The following ANXA8 variants were observed in gnomAD, a reference collection of about 807,000 sequenced individuals.
ANXA8 encodes annexin A8.
In ANXA8, 9 loss-of-function variants were observed where a neutral mutation model predicts 26.8. The ratio of observed to expected loss-of-function variants is 0.34; its 90% CI spans 0.20 to 0.59. The LOEUF (loss-of-function observed/expected upper bound fraction) is 0.59, where lower values mean the gene tolerates loss of function less well. ANXA8 is among the 20% of genes least tolerant of loss of function. ANXA8 has a pLI of 0.84. For synonymous variants in ANXA8, 39 were observed against 94.8 expected (o/e 0.41, Z 3.42); for missense variants, 83 against 238.5 (o/e 0.35, Z 4.29).
At chr10:47,694,501 A>T in the ANXA8 span, among the ~76,000 whole-genome samples, 1 of 148,524 alleles carries the variant, frequency 6.7e-6, no homozygotes, top group Non-Finnish European at 1.5e-5. Flanking sequence ...GCTCACTGCA[A>T]CCTCTGCCTC....
the ANXA8 span, among the ~76,000 whole-genome samples, chr10:47,665,183 C>T: frequency 6.8e-6 from 1 of 147,820 alleles, no homozygotes; most frequent in South Asian, 2.1e-4. Context: ...AAAAAAAACC[C>T]AGGTAAAATG....
At chr10:47,659,477 C>CGAGACCA in the ANXA8 span, among the ~76,000 whole-genome samples, 1 of 151,332 alleles carries the variant, frequency 6.6e-6, no homozygotes, top group Non-Finnish European at 1.5e-5. Context: ...GTCAGGAGTT[C>CGAGACCA]GAGACCAGCC....
At chr10:47,958,434 G>A in the ANXA8 span, among the ~76,000 whole-genome samples, 12 of 146,468 alleles carry the variant, frequency 8.2e-5, no homozygotes, top group Non-Finnish European at 1.3e-4. Context: ...AGCCGAGATC[G>A]AGCCACTGCA....
the ANXA8 span, among the ~76,000 whole-genome samples, chr10:47,939,343 G>T: frequency 2.2e-4 from 30 of 135,466 alleles, 2 homozygotes; most frequent in Middle Eastern, 0.02. Context: ...GCATGGTCTT[G>T]CCATGCGATT....
the ANXA8 span, chr10:47,552,012 C>A: frequency 1.4e-5 from 4 of 295,150 alleles, no homozygotes; most frequent in Non-Finnish European, 2.4e-5. Context: ...CCAGGCAATA[C>A]CCAGGGAAAA....
the ANXA8 span, among the ~76,000 whole-genome samples, chr10:47,775,927 G>C: frequency 6.6e-6 from 1 of 151,276 alleles, no homozygotes; most frequent in Admixed American, 6.6e-5. Context: ...TAAATTGGAA[G>C]TTGAGAAACA....
At chr10:47,485,872 G>A (rs1840032662), upstream of ANXA8, among the ~76,000 whole-genome samples, 1 of 151,990 alleles carries the variant, frequency 6.6e-6, no homozygotes, top group African/African-American at 2.4e-5. Flanking sequence ...ACTTTGGGAG[G>A]CCAAGACAGG....
the ANXA8 span, among the ~76,000 whole-genome samples, chr10:47,497,444 C>T: frequency 2.8e-5 from 4 of 144,914 alleles, no homozygotes; most frequent in African/African-American, 1.0e-4. Context: ...GGAGAAACCC[C>T]ATCTCTACTA....
At chr10:47,718,197 A>G in the ANXA8 span, among the ~76,000 whole-genome samples, 1 of 152,250 alleles carries the variant, frequency 6.6e-6, no homozygotes, top group African/African-American at 2.4e-5. Context: ...TAGGCCAGAC[A>G]CATTGGCTCA....
chr10:47,968,520 G>A, the ANXA8 span, among the ~76,000 whole-genome samples: 3 of 138,664 alleles, frequency 2.2e-5, no homozygotes, highest in Non-Finnish European at 4.9e-5. Context: ...TGCCACCAAA[G>A]CCACCAAGAC....
chr10:47,560,668 G>A, the ANXA8 span, among the ~76,000 whole-genome samples: 2 of 152,164 alleles, frequency 1.3e-5, no homozygotes, highest in South Asian at 2.1e-4. Flanking sequence ...GGTGGCGTTA[G>A]CACCCCTCCA....
the ANXA8 span, among the ~76,000 whole-genome samples, chr10:47,587,848 C>T: frequency 4.1e-5 from 6 of 146,206 alleles, 1 homozygote; most frequent in African/African-American, 1.7e-4. Flanking sequence ...GGGGAAAACA[C>T]CTCCTGTTTG....
chr10:47,584,909 G>A, the ANXA8 span, among the ~76,000 whole-genome samples: 44 of 143,354 alleles, frequency 3.1e-4, 5 homozygotes, highest in African/African-American at 1.1e-3. Flanking sequence ...CCAACATGGC[G>A]AAACCCCGTC....
At chr10:47,702,911 G>A in the ANXA8 span, among the ~76,000 whole-genome samples, 1 of 149,886 alleles carries the variant, frequency 6.7e-6, no homozygotes, top group Non-Finnish European at 1.5e-5. Flanking sequence ...TGGGATTACA[G>A]GTGTGAGCCA....
At chr10:47,486,066 C>T (rs1187494053), upstream of ANXA8, among the ~76,000 whole-genome samples, 4 of 151,476 alleles carry the variant, frequency 2.6e-5, no homozygotes, top group African/African-American at 9.7e-5. Context: ...CAAGAACATG[C>T]CACTGCACTC....
chr10:47,648,212 C>T, the ANXA8 span, among the ~76,000 whole-genome samples: 1 of 148,250 alleles, frequency 6.7e-6, no homozygotes, highest in Non-Finnish European at 1.5e-5. Context: ...CATTCTCTTG[C>T]CTATGTTTCT....
the ANXA8 span, chr10:47,751,376 C>A: frequency 1.0e-5 from 1 of 95,446 alleles, no homozygotes; most frequent in African/African-American, 4.0e-5. Flanking sequence ...ACTTTTATTT[C>A]TTTATCTTGT....
chr10:47,651,201 A>G, the ANXA8 span, among the ~76,000 whole-genome samples: 3 of 151,280 alleles, frequency 2.0e-5, no homozygotes, highest in South Asian at 6.3e-4. Flanking sequence ...CCCTGTCTCT[A>G]AAATAATAAT....
intron 4 of ANXA8, 36 bp from the exon 5 acceptor site, chr10:47,476,358 G>A: frequency 2.4e-6 from 1 of 419,944 alleles, no homozygotes; most frequent in Non-Finnish European, 4.1e-6. Flanking sequence ...GGAGTGCTCT[G>A]CCATGACCTT....
Sources: gnomAD v4.1 joint callset for allele counts (sites outside exome capture counted in the v4.1 genomes callset) on GRCh38, gnomAD v4.1.1 for gene constraint, MANE v1.5 for transcripts, NCBI Gene and HGNC (gene_info 2026-07-23, HGNC 2026-07-21) for gene names.